Variants in POLE2 observed in about 807,000 individuals in gnomAD.
POLE2 encodes DNA polymerase epsilon 2, accessory subunit, also known as DNA polymerase epsilon subunit 2.
Under a neutral mutation model 79.4 loss-of-function variants are expected in POLE2, and 56 were observed. That is an observed-to-expected ratio of 0.71 (90% CI 0.57 to 0.88). The LOEUF (loss-of-function observed/expected upper bound fraction) is 0.88. Among genes scored for constraint, POLE2 ranks in the 40% least tolerant of loss-of-function variants. The pLI is 0.00. For missense variants in POLE2, 598 were observed against 638.9 expected (o/e 0.94, Z 0.69); for synonymous variants, 212 against 214.0 (o/e 0.99, Z 0.08).
intron 10 of POLE2, among the ~76,000 whole-genome samples, chr14:49,661,381 G>A (rs1006035716): frequency 2.0e-5 from 3 of 152,066 alleles, no homozygotes; most frequent in Admixed American, 2.0e-4. Context: ...CATTTTCAAA[G>A]GTACAGTAAT....
chr14:49,652,550 C>G (rs901592160), intron 15 of POLE2, among the ~76,000 whole-genome samples: 4 of 152,128 alleles, frequency 2.6e-5, no homozygotes, highest in Non-Finnish European at 4.4e-5. Context: ...ATCCTGACCT[C>G]TGCCTCCTGT....
At chr14:49,683,188 G>C (rs1178269982) in intron 2 of POLE2, among the ~76,000 whole-genome samples, 1 of 152,164 alleles carries the variant, frequency 6.6e-6, no homozygotes, top group Admixed American at 6.5e-5. Flanking sequence ...GACTGCGTGA[G>C]CCCAGGAGTT....
Position 49,673,981 on chromosome 14 carries a change from C to G in POLE2, c.417+142G>C, listed in dbSNP as rs537508243. ...TCTACACAGTCTCAATCACAGAAAT[C>G]TTAATAACAGTTTATTGAATGACCA... On this transcript the variant is annotated intron_variant, in intron 5 of 18. Coordinates refer to ENST00000216367, the MANE Select transcript of POLE2 (RefSeq NM_002692.4). 34 of 671,538 alleles carry G rather than the reference C, an allele frequency of 5.1e-5. 1 individual carries two copies. The South Asian group carries it at 5.1e-4, about 10-fold the overall frequency. The allele number at this position is 671,538 out of a possible 1,614,324, so 41.6% of individuals were successfully genotyped here.
chr14:49,651,467 C>A, intron 15 of POLE2, 90 bp from the exon 16 acceptor site: 2 of 568,028 alleles, frequency 3.5e-6, no homozygotes, highest in Non-Finnish European at 3.2e-6. Flanking sequence ...AACCCCATTC[C>A]CACATTCACT....
Position 49,665,712 on chromosome 14 carries a change from A to G in POLE2, c.577-549T>C, listed in dbSNP as rs1019237588. On this transcript the variant is annotated intron_variant, in intron 7 of 18. Transcript: ENST00000216367. Reference sequence around the variant, plus strand: ...TTTTTTTTTACTATTACAAAAGTTTATTTAACAAAAAGTCTAATATGAAAA... The same window carrying G: ...TTTTTTTTTACTATTACAAAAGTTTGTTTAACAAAAAGTCTAATATGAAAA... Among the ~76,000 whole-genome samples, 506 of 132,940 alleles carry G rather than the reference A, an allele frequency of 3.8e-3. 5 individuals are homozygous for G. The highest frequency in any genetic ancestry group is 0.014 in the African/African-American group (485 of 35,800). 87.2% of individuals were successfully genotyped at this position (132,940 alleles called of 152,430 possible).
At chr14:49,647,221 T>A in intron 18 of POLE2, 72 bp downstream of exon 18, 5 of 805,248 alleles carry the variant, frequency 6.2e-6, no homozygotes, top group Non-Finnish European at 1.0e-5. Flanking sequence ...AACACACTGA[T>A]AGAACATCTC....
intron 17 of POLE2, among the ~76,000 whole-genome samples, chr14:49,649,341 T>G (rs1376767748): frequency 6.6e-6 from 1 of 150,946 alleles, no homozygotes; most frequent in Non-Finnish European, 1.5e-5. Context: ...AGAGACGGGG[T>G]TGCACCATGT....
chr14:49,685,369 T>C (rs1279279070), intron 1 of POLE2, among the ~76,000 whole-genome samples: 2 of 152,210 alleles, frequency 1.3e-5, no homozygotes, highest in Non-Finnish European at 2.9e-5. Flanking sequence ...GAGTTCTAAA[T>C]ACACTTGAAG....
Position 49,664,672 on chromosome 14 carries a change from C to A in POLE2, c.636G>T (p.Gln212His), listed in dbSNP as rs1489479295. The change falls in exon 9 of 19, where the codon CAG becomes CAT. Residue 212 changes from glutamine (Q) to histidine (H), a missense_variant and splice_region_variant. Physicochemically the swap from Gln to His is conservative, Grantham distance 24. Coordinates refer to ENST00000216367, the MANE Select transcript of POLE2 (RefSeq NM_002692.4). ...CCTCTGTGTATAAACCACTATGGAACTGGTACACAACAGTTGAGGAAAATA... is the reference window on the plus strand; with the variant it reads ...CCTCTGTGTATAAACCACTATGGAAATGGTACACAACAGTTGAGGAAAATA... The part of the protein sequence containing the change: ...GTVQLDLSKA[Q>H]FHSGLYTEAC... 1 of 1,580,422 alleles carries A rather than the reference C, an allele frequency of 6.3e-7. No homozygotes were observed. The highest frequency in any genetic ancestry group is 1.1e-5 in the South Asian group (1 of 90,298).
At chr14:49,651,562 C>G in intron 15 of POLE2, 185 bp from the exon 16 acceptor site, 2 of 402,306 alleles carry the variant, frequency 5.0e-6, no homozygotes, top group Non-Finnish European at 8.8e-6. Context: ...TATATGCCTA[C>G]CCCATTCTAG....
intron 2 of POLE2, among the ~76,000 whole-genome samples, chr14:49,680,335 CAG>C (rs1443239048): frequency 1.3e-5 from 2 of 149,302 alleles, no homozygotes; most frequent in Non-Finnish European, 3.0e-5. Context: ...CTGGGCCACA[CAG>C]AGTGAGATAC....
rs1325992142 is a variant in POLE2, at chr14:49,664,648, C to T, written c.660G>A (p.Glu220=). The T allele has an allele frequency of 6.3e-7, 1 of 1,596,642 alleles. No homozygotes were observed. Among genetic ancestry groups the T allele is most frequent in the Non-Finnish European group, 8.6e-7 (1 of 1,164,380 alleles). The change falls in exon 9 of 19, where the codon GAG becomes GAA. Residue 220 remains glutamate (E), a synonymous_variant. Coordinates refer to ENST00000216367, the MANE Select transcript of POLE2 (RefSeq NM_002692.4). ...TACCTTCTGCTAAGACAAAGCATGC[C>T]TCTGTGTATAAACCACTATGGAACT... ...KAQFHSGLYT[E]ACFVLAEGWF...
Position 49,655,065 on chromosome 14 carries a change from T to A in POLE2, c.958A>T (p.Ile320Phe). ...GCAGATGAAAAATTACCACACAGAA[T>A]AAAGCAGGTTGGAGGTGCTGGTGAA... is the stretch of plus-strand genomic sequence containing the variant. The part of the protein sequence containing the change: ...GYSPAPPTCF[I>F]LCGNFSSAPY... Residue 320 changes from isoleucine (I) to phenylalanine (F), a missense_variant, in exon 12 of 19, where the codon ATT becomes TTT. Physicochemically the swap from Ile to Phe is conservative, Grantham distance 21. Coordinates refer to ENST00000216367, the MANE Select transcript of POLE2 (RefSeq NM_002692.4). 6.4e-7 allele frequency: 1 copy of A among 1,565,072 alleles called. No individual in the cohort carries two copies. The highest frequency in any genetic ancestry group is 1.4e-5 in the African/African-American group (1 of 73,206).
intron 10 of POLE2, among the ~76,000 whole-genome samples, chr14:49,660,284 A>G (rs888023118): frequency 2.5e-4 from 38 of 152,258 alleles, no homozygotes; most frequent in African/African-American, 8.4e-4. Flanking sequence ...GTATAAGTAC[A>G]CTGTGATGTT....
chr14:49,680,477 A>G (rs1362287401), intron 2 of POLE2, among the ~76,000 whole-genome samples: 1 of 152,228 alleles, frequency 6.6e-6, no homozygotes, highest in Non-Finnish European at 1.5e-5. Flanking sequence ...CTTATTAAGC[A>G]TTGAGTAAAT....
intron 10 of POLE2, among the ~76,000 whole-genome samples, chr14:49,660,966 G>A (rs892388694): frequency 1.6e-4 from 25 of 152,276 alleles, no homozygotes; most frequent in African/African-American, 5.8e-4. Flanking sequence ...GTCTCAGTGT[G>A]TCACCCAGGG....
chr14:49,669,810 C>T (rs1183697804), intron 5 of POLE2, among the ~76,000 whole-genome samples: 1 of 152,106 alleles, frequency 6.6e-6, no homozygotes, highest in Non-Finnish European at 1.5e-5. Flanking sequence ...TTTTAAAGGT[C>T]TATTGTGTGT....
At chr14:49,666,238 T>C in intron 7 of POLE2, 92 bp downstream of exon 7, 1 of 692,892 alleles carries the variant, frequency 1.4e-6, no homozygotes, top group Non-Finnish European at 2.6e-6. Flanking sequence ...CAATAAAGAA[T>C]ACATTCCTGT....
At position 49,647,376 on chromosome 14, in the gene POLE2, A is replaced by T; in HGVS notation, c.1498-16T>A. ...GAAAAGAGCCCTTTGGGGGAGAAAA[A>T]TGCCTGTAAGTGAATGCTCAGACTT... On this transcript the variant is annotated splice_polypyrimidine_tract_variant and intron_variant, in intron 17 of 18. Coordinates refer to ENST00000216367, the MANE Select transcript of POLE2 (RefSeq NM_002692.4). The T allele has an allele frequency of 6.9e-7, 1 of 1,447,578 alleles. No homozygotes were observed. The highest frequency in any genetic ancestry group is 9.4e-7 in the Non-Finnish European group (1 of 1,062,274). The allele number at this position is 1,447,578 out of a possible 1,614,324, so 89.7% of individuals were successfully genotyped here. A position where few individuals can be genotyped will look rare whatever the true frequency, so the allele number is the denominator to read the frequency against.
Sources: gnomAD v4.1 joint callset for allele counts (sites outside exome capture counted in the v4.1 genomes callset) on GRCh38, gnomAD v4.1.1 for gene constraint, MANE v1.5 for transcripts, NCBI Gene and HGNC (gene_info 2026-07-23, HGNC 2026-07-21) for gene names.